Variants in R3HDM1 observed in about 807,000 individuals in gnomAD.
R3HDM1 encodes R3H domain-containing protein 1.
R3HDM1 carries 46 observed loss-of-function variants against 141.1 expected under a neutral mutation model. The ratio of observed to expected loss-of-function variants is 0.33; its 90% CI spans 0.26 to 0.42. The LOEUF (loss-of-function observed/expected upper bound fraction) is 0.42. R3HDM1 is among the 10% of genes least tolerant of loss of function. R3HDM1 has a pLI of 1.00. For missense variants in R3HDM1, 1,184 were observed against 1,368.3 expected (o/e 0.87, Z 2.12); for synonymous variants, 435 against 472.9 (o/e 0.92, Z 1.04).
intron 1 of R3HDM1, among the ~76,000 whole-genome samples, chr2:135,545,627 G>T (rs1559094792): frequency 6.6e-6 from 1 of 152,258 alleles, no homozygotes; most frequent in East Asian, 1.9e-4. Flanking sequence ...AGACAATTGG[G>T]AATTAAAATA....
At chr2:135,652,743 A>G (rs1179723515) in intron 18 of R3HDM1, among the ~76,000 whole-genome samples, 1 of 152,196 alleles carries the variant, frequency 6.6e-6, no homozygotes, top group African/African-American at 2.4e-5. Flanking sequence ...GTTTGCCAGA[A>G]TTCACCAATG....
At chr2:135,715,435 A>G (rs909900456) in intron 23 of R3HDM1, 115 bp from the exon 24 acceptor site, 26 of 1,192,342 alleles carry the variant, frequency 2.2e-5, no homozygotes, top group African/African-American at 3.1e-5. Flanking sequence ...TGCAGATCAC[A>G]TGCTTCTATA....
rs537720176 is a variant in R3HDM1 at position 135,675,422 on chromosome 2, C to G, written c.2243C>G (p.Pro748Arg). ...AGTCAGAGCCTAGTCAGTGGCCAAC[C>G]CAACAGCATTGGAAATCAGATTCAA... ...PQSQSLVSGQPNSIGNQIQGV... is the reference protein window; with the variant it reads ...PQSQSLVSGQRNSIGNQIQGV... Residue 748 changes from proline (P) to arginine (R), a missense_variant, in exon 20 of 27, where the codon CCC becomes CGC. Coordinates refer to ENST00000683871, the MANE Select transcript of R3HDM1 (RefSeq NM_001378107.1). 6.2e-7 allele frequency: 1 copy of G among 1,613,890 alleles called. No individual in the cohort carries two copies. Among genetic ancestry groups the G allele is most frequent in the African/African-American group, 1.3e-5 (1 of 75,010 alleles).
At chr2:135,600,757 C>A (rs564680054) in intron 1 of R3HDM1, among the ~76,000 whole-genome samples, 116 of 152,218 alleles carry the variant, frequency 7.6e-4, no homozygotes, top group African/African-American at 2.5e-3. Flanking sequence ...GGCATATTAC[C>A]AAGTTTTGGT....
chr2:135,650,340 G>T, intron 17 of R3HDM1: 1 of 985,192 alleles, frequency 1.0e-6, no homozygotes, highest in Non-Finnish European at 1.2e-6. Context: ...TTTCATCTGG[G>T]TTTAGGCATT....
rs537878292 is a variant in R3HDM1 at position 135,724,631 on chromosome 2, A to G, written c.*339A>G. The G allele has an allele frequency of 1.6e-4, 30 of 189,626 alleles. 1 individual carries two copies. In the South Asian group the frequency reaches 4.3e-3, roughly 27 times the overall value. 11.7% of individuals were successfully genotyped at this position (189,626 alleles called of 1,614,324 possible). The stretch of plus-strand genomic sequence containing the variant: ...ATTGTACAGCAAATTATTCTTCAAA[A>G]TGATTATAACCAGTTGCACCCTGTA... On this transcript the variant is annotated 3_prime_UTR_variant, in exon 27 of 27. Coordinates refer to ENST00000683871, the MANE Select transcript of R3HDM1 (RefSeq NM_001378107.1).
At chr2:135,701,108 G>C (rs768831001) in intron 21 of R3HDM1, among the ~76,000 whole-genome samples, 2 of 151,954 alleles carry the variant, frequency 1.3e-5, no homozygotes, top group Admixed American at 1.3e-4. Context: ...ACATTGGCCT[G>C]GCACAGTGGC....
chr2:135,661,460 CTCTTAAGA>C, intron 19 of R3HDM1, 67 bp downstream of exon 19: 1 of 1,554,796 alleles, frequency 6.4e-7, no homozygotes, highest in South Asian at 1.1e-5. Context: ...TTCAGTGTTG[CTCTTAAGA>C]TAGTACCTAC....
chr2:135,670,138 CAAAAAAA>C, intron 19 of R3HDM1: 1 of 92,462 alleles, frequency 1.1e-5, no homozygotes, highest in Non-Finnish European at 1.9e-5. Context: ...GACTCAGTCT[CAAAAAAA>C]AAAAAAAAAA....
intron 16 of R3HDM1, 99 bp downstream of exon 16, chr2:135,645,626 A>G (rs1036433685): frequency 7.2e-7 from 1 of 1,392,428 alleles, no homozygotes; most frequent in Non-Finnish European, 9.9e-7. Context: ...AGTATCTCTT[A>G]GAACTTTAAT....
At chr2:135,634,663 G>A (rs1174727214) in intron 9 of R3HDM1, among the ~76,000 whole-genome samples, 1 of 152,070 alleles carries the variant, frequency 6.6e-6, no homozygotes, top group East Asian at 1.9e-4. Context: ...TTTTTAAAAA[G>A]AAGTGTTACT....
chr2:135,583,778 G>T (rs532155767), intron 1 of R3HDM1: 7 of 985,356 alleles, frequency 7.1e-6, no homozygotes, highest in African/African-American at 1.7e-5. Context: ...AAAAAGTTCC[G>T]CAAGAGCTAA....
At chr2:135,703,495 C>T (rs1025137441) in intron 21 of R3HDM1, among the ~76,000 whole-genome samples, 1 of 152,108 alleles carries the variant, frequency 6.6e-6, no homozygotes, top group African/African-American at 2.4e-5. Flanking sequence ...TTATATAATC[C>T]CTGGGCTCAC....
intron 19 of R3HDM1, among the ~76,000 whole-genome samples, chr2:135,674,978 A>G (rs2068936462): frequency 2.0e-5 from 3 of 148,144 alleles, no homozygotes. Context: ...CATATTTTCC[A>G]TTTACTCTGG....
At chr2:135,668,032 GTAATT>G (rs2067794030) in intron 19 of R3HDM1, among the ~76,000 whole-genome samples, 1 of 152,170 alleles carries the variant, frequency 6.6e-6, no homozygotes, top group Admixed American at 6.5e-5. Context: ...AGGCATACCT[GTAATT>G]AAATGATCCT....
At chr2:135,711,989 G>C (rs1172922419) in intron 23 of R3HDM1, among the ~76,000 whole-genome samples, 1 of 127,266 alleles carries the variant, frequency 7.9e-6, no homozygotes, top group Non-Finnish European at 1.6e-5. Flanking sequence ...AAAAAAAAAA[G>C]AGTTGTCCGT....
chr2:135,681,981 C>T lies in R3HDM1; in HGVS notation c.2459+1657C>T, dbSNP rs145672557. ...TAGAAATATGTACTTGGTTAAATTT[C>T]GCATTTGTTGTGTGAGTTTAAATTT... On this transcript the variant is annotated intron_variant, in intron 21 of 26. Coordinates refer to ENST00000683871, the MANE Select transcript of R3HDM1 (RefSeq NM_001378107.1). 2.6e-3 allele frequency among the ~76,000 whole-genome samples: 395 copies of T among 151,034 alleles called. 4 individuals carry two copies. The highest frequency in any genetic ancestry group is 0.018 in the Admixed American group (277 of 15,042).
intron 14 of R3HDM1, among the ~76,000 whole-genome samples, chr2:135,639,901 A>G (rs2063612221): frequency 6.6e-6 from 1 of 152,158 alleles, no homozygotes; most frequent in Non-Finnish European, 1.5e-5. Flanking sequence ...GTTCAAGACC[A>G]CCCTGGCCAA....
At chr2:135,643,021 G>A (rs1044085605) in intron 15 of R3HDM1, among the ~76,000 whole-genome samples, 3 of 151,976 alleles carry the variant, frequency 2.0e-5, no homozygotes, top group Non-Finnish European at 4.4e-5. Context: ...ACATAATATG[G>A]TTTTGGTAAC....
Sources: gnomAD v4.1 joint callset for allele counts (sites outside exome capture counted in the v4.1 genomes callset) on GRCh38, gnomAD v4.1.1 for gene constraint, MANE v1.5 for transcripts, NCBI Gene and HGNC (gene_info 2026-07-23, HGNC 2026-07-21) for gene names.